Variants in LMNTD1 observed in about 807,000 individuals in gnomAD.
LMNTD1 encodes the protein lamin tail domain containing 1.
Under a neutral mutation model 50.9 loss-of-function variants are expected in LMNTD1, and 35 were observed. The observed-to-expected ratio is 0.69, with a 90% CI of 0.53 to 0.91. The LOEUF (loss-of-function observed/expected upper bound fraction) is 0.91. LMNTD1 is among the 40% of genes least tolerant of loss of function. LMNTD1 has a pLI of 0.00. For synonymous variants in LMNTD1, 153 were observed against 161.9 expected, an observed-to-expected ratio of 0.94 and a Z score of 0.42; for missense variants, 470 against 475.5, an observed-to-expected ratio of 0.99 and a Z score of 0.11.
intron 1 of LMNTD1, among the ~76,000 whole-genome samples, chr12:25,603,534 C>G (rs537100388): frequency 5.3e-5 from 8 of 151,908 alleles, no homozygotes; most frequent in African/African-American, 1.9e-4. Flanking sequence ...ATTAATACAC[C>G]TTTTTTAAGT....
intron 1 of LMNTD1, among the ~76,000 whole-genome samples, chr12:25,592,033 G>A (rs1170590629): frequency 1.3e-5 from 2 of 152,180 alleles, no homozygotes; most frequent in African/African-American, 4.8e-5. Flanking sequence ...AAATTATAAC[G>A]CCTAAGTTCT....
chr12:25,636,033 A>G (rs1946825902), intron 1 of LMNTD1, among the ~76,000 whole-genome samples: 1 of 152,252 alleles, frequency 6.6e-6, no homozygotes, highest in African/African-American at 2.4e-5. Context: ...TAAAAATTCT[A>G]AAAGATAACT....
intron 1 of LMNTD1, among the ~76,000 whole-genome samples, chr12:25,571,206 A>G (rs1944775501): frequency 6.6e-6 from 1 of 152,216 alleles, no homozygotes; most frequent in African/African-American, 2.4e-5. Context: ...TGAAAACTAA[A>G]TTTAGTTATT....
chr12:25,565,458 A>G (rs1332319033), intron 1 of LMNTD1, among the ~76,000 whole-genome samples: 6 of 152,226 alleles, frequency 3.9e-5, no homozygotes, highest in Non-Finnish European at 8.8e-5. Flanking sequence ...TAACAAGCAA[A>G]AAGAAAACTA....
In LMNTD1 at chr12:25,476,191, A is replaced by T. The variant is rs1003073088; in HGVS notation, c.*292T>A. 1.3e-5 allele frequency: 2 copies of T among 152,268 alleles called. No individual in the cohort carries two copies. The highest frequency in any genetic ancestry group is 4.8e-5 in the African/African-American group (2 of 41,470). 9.4% of individuals were successfully genotyped at this position (152,268 alleles called of 1,614,324 possible). On this transcript the variant is annotated 3_prime_UTR_variant, in exon 10 of 10. Transcript: ENST00000458174. Reference sequence around the variant, plus strand: ...ACTTTGTTTACAAAAAGAGAAATCTAAGGCAAATAGCAATTTTATCCATTG... The same window carrying T: ...ACTTTGTTTACAAAAAGAGAAATCTTAGGCAAATAGCAATTTTATCCATTG...
At chr12:25,603,624 AT>A (rs1365312025) in intron 1 of LMNTD1, among the ~76,000 whole-genome samples, 3 of 152,064 alleles carry the variant, frequency 2.0e-5, no homozygotes, top group African/African-American at 7.2e-5. Context: ...AAGAAATTCT[AT>A]TATACTAGGT....
intron 1 of LMNTD1, among the ~76,000 whole-genome samples, chr12:25,640,945 G>A (rs1411675920): frequency 6.6e-6 from 1 of 152,174 alleles, no homozygotes; most frequent in Non-Finnish European, 1.5e-5. Context: ...GGGATTACAG[G>A]CGTAAGCCAC....
At chr12:25,495,431 A>C (rs1053660644) in intron 9 of LMNTD1, among the ~76,000 whole-genome samples, 3 of 152,080 alleles carry the variant, frequency 2.0e-5, no homozygotes, top group Admixed American at 6.5e-5. Flanking sequence ...CTACTCATTC[A>C]AATGTTAATG....
chr12:25,527,685 C>T (rs200687102), intron 4 of LMNTD1, among the ~76,000 whole-genome samples: 2,656 of 21,960 alleles, frequency 0.12, 53 homozygotes, highest in Non-Finnish European at 0.16. Context: ...TATATATACA[C>T]ACACACACAC....
intron 1 of LMNTD1, among the ~76,000 whole-genome samples, chr12:25,600,075 G>A (rs1945927864): frequency 6.6e-6 from 1 of 152,014 alleles, no homozygotes; most frequent in African/African-American, 2.4e-5. Context: ...AACCAAAACA[G>A]CATGGTACTG....
chr12:25,566,632 G>T (rs1479984193), intron 1 of LMNTD1, among the ~76,000 whole-genome samples: 12 of 152,130 alleles, frequency 7.9e-5, no homozygotes, highest in African/African-American at 2.7e-4. Flanking sequence ...TGAGCCCAAC[G>T]AACACCAGTG....
At chr12:25,625,212 A>T (rs1402808885) in intron 1 of LMNTD1, among the ~76,000 whole-genome samples, 3 of 152,226 alleles carry the variant, frequency 2.0e-5, no homozygotes, top group African/African-American at 7.2e-5. Flanking sequence ...ATGATTTCAC[A>T]CGACCCTTCA....
intron 9 of LMNTD1, among the ~76,000 whole-genome samples, chr12:25,492,027 ACATT>A (rs1403181936): frequency 6.6e-6 from 1 of 152,238 alleles, no homozygotes; most frequent in Non-Finnish European, 1.5e-5. Context: ...AACTTAGCAA[ACATT>A]AGAGTTTACT....
At chr12:25,548,786 T>A (rs1206979422) in intron 3 of LMNTD1, among the ~76,000 whole-genome samples, 3 of 152,024 alleles carry the variant, frequency 2.0e-5, no homozygotes, top group African/African-American at 7.2e-5. Context: ...GTCAAAACTT[T>A]ACTTTTTCTG....
upstream of LMNTD1, among the ~76,000 whole-genome samples, chr12:25,556,009 G>T (rs1216255449): frequency 8.3e-6 from 1 of 120,210 alleles, no homozygotes; most frequent in Non-Finnish European, 1.6e-5. Context: ...ATGTCGCTGT[G>T]TCATCCAGGC....
At chr12:25,534,477 C>T (rs547877845) in intron 4 of LMNTD1, among the ~76,000 whole-genome samples, 54 of 152,092 alleles carry the variant, frequency 3.6e-4, no homozygotes, top group Non-Finnish European at 6.6e-4. Flanking sequence ...GAGGGTGCAT[C>T]CTCTCTGACT....
chr12:25,617,384 C>T (rs906463261), intron 1 of LMNTD1, among the ~76,000 whole-genome samples: 2 of 152,126 alleles, frequency 1.3e-5, no homozygotes, highest in South Asian at 2.1e-4. Flanking sequence ...TGACATCAGT[C>T]AAACCTATAA....
intron 1 of LMNTD1, among the ~76,000 whole-genome samples, chr12:25,641,441 T>C (rs975020839): frequency 1.3e-5 from 2 of 152,320 alleles, no homozygotes; most frequent in Non-Finnish European, 2.9e-5. Context: ...ATATTGTCTG[T>C]GGCACTTACT....
At position 25,518,855 on chromosome 12, in the gene LMNTD1, C is replaced by A. The variant is rs1941006721; in HGVS notation, c.1129G>T (p.Ala377Ser). ...PLIEPHNTST[A>S]GGRLDRQPRT... ...GGCTGTCTATCCAATCTGCCTCCAG[C>A]GGTGGATGTATTGTGTGGTTCAATC... Residue 377 changes from alanine to serine, a missense_variant, in exon 8 of 10, where the codon GCT becomes TCT. Transcript: ENST00000458174. 1 of 1,614,030 alleles carries A rather than the reference C, an allele frequency of 6.2e-7. No homozygotes were observed. The highest frequency in any genetic ancestry group is 8.5e-7 in the Non-Finnish European group (1 of 1,180,014).
Sources: gnomAD v4.1 joint callset for allele counts (sites outside exome capture counted in the v4.1 genomes callset) on GRCh38, gnomAD v4.1.1 for gene constraint, MANE v1.5 for transcripts, NCBI Gene and HGNC (gene_info 2026-07-23, HGNC 2026-07-21) for gene names.